NEDD4L: variants seen among roughly 807,000 people sequenced by gnomAD.
NEDD4L encodes the protein NEDD4 like E3 ubiquitin protein ligase.
Under a neutral mutation model 148.9 loss-of-function variants are expected in NEDD4L, and 54 were observed. That is an observed-to-expected ratio of 0.36 (90% confidence interval 0.29 to 0.45). The LOEUF is 0.45. Among genes scored for constraint, NEDD4L ranks in the 20% least tolerant of loss-of-function variants. The pLI is 1.00. For synonymous variants in NEDD4L, 433 were observed against 440.7 expected (o/e 0.98, Z 0.22); for missense variants, 856 against 1,233.8 (o/e 0.69, Z 4.59).
chr18:58,382,622 A>G (rs1020679138), intron 24 of NEDD4L, among the ~76,000 whole-genome samples: 2 of 152,138 alleles, frequency 1.3e-5, no homozygotes, highest in African/African-American at 2.4e-5. Flanking sequence ...GGGTCAGGGC[A>G]TAGGAGAAAG....
At chr18:58,276,245 G>GTC (rs2051978668) in intron 5 of NEDD4L, among the ~76,000 whole-genome samples, 2 of 137,502 alleles carry the variant, frequency 1.5e-5, no homozygotes, top group Non-Finnish European at 3.2e-5. Flanking sequence ...CTGAGACGGA[G>GTC]TCTCACTCTG....
chr18:58,263,688 A>G (rs2049807954), intron 5 of NEDD4L, among the ~76,000 whole-genome samples: 1 of 69,480 alleles, frequency 1.4e-5, no homozygotes, highest in African/African-American at 5.3e-5. Context: ...TCTCTCTCTC[A>G]TGTTCTTTTC....
chr18:58,244,919 C>T (rs1179075676), intron 2 of NEDD4L, among the ~76,000 whole-genome samples: 1 of 152,184 alleles, frequency 6.6e-6, no homozygotes, highest in Admixed American at 6.5e-5. Flanking sequence ...TGGTCTTGAA[C>T]TCCTGACCTC....
chr18:58,153,792 G>A (rs577208017), intron 1 of NEDD4L, among the ~76,000 whole-genome samples: 7 of 152,016 alleles, frequency 4.6e-5, no homozygotes, highest in Admixed American at 2.6e-4. Flanking sequence ...GAGTACAGGC[G>A]CCCGCCACCA....
At chr18:58,341,910 TTG>T in intron 15 of NEDD4L, 113 bp downstream of exon 15, 4 of 1,251,414 alleles carry the variant, frequency 3.2e-6, no homozygotes, top group Non-Finnish European at 4.5e-6. Flanking sequence ...TGATCAGTCG[TTG>T]TGTTGGTAGT....
chr18:58,383,175 C>T (rs2048567834), intron 24 of NEDD4L, 71 bp from the exon 25 acceptor site: 6 of 796,836 alleles, frequency 7.5e-6, no homozygotes, highest in Non-Finnish European at 1.3e-5. Flanking sequence ...TATAGTAAGA[C>T]ATTGTCACTC....
At chr18:58,113,908 G>C (rs1296359283) in intron 1 of NEDD4L, among the ~76,000 whole-genome samples, 1 of 152,104 alleles carries the variant, frequency 6.6e-6, no homozygotes, top group Non-Finnish European at 1.5e-5. Flanking sequence ...GCCCAAGACC[G>C]AGATGGCTGG....
chr18:58,160,864 A>G (rs548823906), intron 1 of NEDD4L, among the ~76,000 whole-genome samples: 1 of 152,352 alleles, frequency 6.6e-6, no homozygotes, highest in East Asian at 1.9e-4. Context: ...ATTTCCTGCA[A>G]CAGGTGCTTG....
intron 30 of NEDD4L, among the ~76,000 whole-genome samples, chr18:58,393,604 C>T (rs1216240666): frequency 2.0e-5 from 3 of 152,230 alleles, no homozygotes; most frequent in Non-Finnish European, 4.4e-5. Flanking sequence ...TTGCAAGCAA[C>T]ACTGGCTAGC....
chr18:58,387,429 T>C lies in NEDD4L; in HGVS notation c.2488-10T>C. ...ATAGGTGTTTAAGATGTTTTTTTTT[T>C]TTCTTTCAGGGATTCACAGAACTAC... On this transcript the variant is annotated splice_polypyrimidine_tract_variant and intron_variant, in intron 26 of 30. Transcript: ENST00000400345. 6.5e-7 allele frequency: 1 copy of C among 1,529,866 alleles called. No individual in the cohort carries two copies. The allele number at this position is 1,529,866 out of a possible 1,614,324, so 94.8% of individuals were successfully genotyped here.
intron 2 of NEDD4L, among the ~76,000 whole-genome samples, chr18:58,237,048 TAAC>T (rs1015738012): frequency 6.6e-6 from 1 of 151,086 alleles, no homozygotes; most frequent in South Asian, 2.1e-4. Flanking sequence ...ATAATAATAA[TAAC>T]AACAATAATT....
At chr18:58,048,996 T>C (rs993482670) in intron 1 of NEDD4L, among the ~76,000 whole-genome samples, 1 of 152,274 alleles carries the variant, frequency 6.6e-6, no homozygotes, top group Non-Finnish European at 1.5e-5. Context: ...CATTATTTCA[T>C]GTACCACGAA....
chr18:58,184,935 A>AAAAAG lies in NEDD4L; in HGVS notation c.122+19088_122+19092dup, dbSNP rs548905053. ...AGAGCGAGACTCCATCTCAAAAAAA[A>AAAAAG]AAAAGAAAAGAAAAGAAAGTGTTCT... On this transcript the variant is annotated intron_variant, in intron 2 of 30. Transcript: ENST00000400345. 1.7e-3 allele frequency among the ~76,000 whole-genome samples: 257 copies of AAAAAG among 152,130 alleles called. 1 individual carries two copies. The highest frequency in any genetic ancestry group is 5.8e-3 in the African/African-American group (240 of 41,484).
intron 10 of NEDD4L, among the ~76,000 whole-genome samples, chr18:58,329,650 A>G (rs1042908583): frequency 4.0e-5 from 6 of 150,878 alleles, no homozygotes; most frequent in African/African-American, 1.2e-4. Context: ...ATGCCATCAC[A>G]ATGGCTAATT....
chr18:58,099,836 G>C (rs504904), intron 1 of NEDD4L, among the ~76,000 whole-genome samples: 34,358 of 152,036 alleles, frequency 0.23, 7,704 homozygotes, highest in African/African-American at 0.58. Context: ...TAGTAGCACA[G>C]ACACAATATA....
chr18:58,230,838 T>C (rs891005722), intron 2 of NEDD4L, among the ~76,000 whole-genome samples: 1 of 152,176 alleles, frequency 6.6e-6, no homozygotes, highest in Non-Finnish European at 1.5e-5. Flanking sequence ...GAAATGTTAA[T>C]TGAAGGCCCG....
rs374048589 is a variant in NEDD4L at position 58,067,621 on chromosome 18, G to A, written c.48+22913G>A. ...GAGAAATGGAAGTGTGAGCTAGGAA[G>A]AGGAGTAGCTTAATGGGGACTTTGC... On this transcript the variant is annotated intron_variant, in intron 1 of 30. Transcript: ENST00000400345. Among the ~76,000 whole-genome samples the A allele has an allele frequency of 1.9e-4, 29 of 152,334 alleles. No individual in the cohort carries two copies. The East Asian group carries it at 5.6e-3, about 29-fold the overall frequency.
At chr18:58,352,318 A>G (rs1158443493) in intron 18 of NEDD4L, among the ~76,000 whole-genome samples, 3 of 152,168 alleles carry the variant, frequency 2.0e-5, no homozygotes, top group African/African-American at 7.2e-5. Flanking sequence ...GAATTTACTA[A>G]AATGAGAGAG....
intron 1 of NEDD4L, among the ~76,000 whole-genome samples, chr18:58,066,833 A>G (rs1278321905): frequency 6.6e-6 from 1 of 152,054 alleles, no homozygotes; most frequent in African/African-American, 2.4e-5. Context: ...CATATTTTTA[A>G]ATAACCAAGC....
Sources: gnomAD v4.1 joint callset for allele counts (sites outside exome capture counted in the v4.1 genomes callset) on GRCh38, gnomAD v4.1.1 for gene constraint, MANE v1.5 for transcripts, NCBI Gene and HGNC (gene_info 2026-07-23, HGNC 2026-07-21) for gene names.